STK3: variants seen among roughly 807,000 people sequenced by gnomAD.
STK3 encodes the protein serine/threonine-protein kinase 3.
A neutral mutation model predicts 58.0 loss-of-function variants in STK3; 41 were observed. The ratio of observed to expected loss-of-function variants is 0.71; its 90% CI spans 0.55 to 0.92. STK3 has a LOEUF of 0.92. Among genes scored for constraint, STK3 ranks in the 40% least tolerant of loss-of-function variants. STK3 has a pLI of 0.00. For missense variants in STK3, 479 were observed against 602.7 expected, an observed-to-expected ratio of 0.79 and a Z score of 2.15; for synonymous variants, 170 against 191.0, an observed-to-expected ratio of 0.89 and a Z score of 0.91.
chr8:98,792,290 C>A (rs546285839), intron 1 of STK3, among the ~76,000 whole-genome samples: 1 of 152,072 alleles, frequency 6.6e-6, no homozygotes, highest in Non-Finnish European at 1.5e-5. Context: ...TGGCCATAAT[C>A]AAAAAATAAT....
upstream of STK3, among the ~76,000 whole-genome samples, chr8:98,391,909 T>C (rs1264669993): frequency 6.6e-6 from 1 of 152,204 alleles, no homozygotes; most frequent in African/African-American, 2.4e-5. Flanking sequence ...TTTCTACAGA[T>C]TTATTTTATG....
At chr8:98,469,137 A>G (rs1820714909) in intron 10 of STK3, among the ~76,000 whole-genome samples, 1 of 151,602 alleles carries the variant, frequency 6.6e-6, no homozygotes, top group East Asian at 1.9e-4. Flanking sequence ...AAGAAAGATG[A>G]GAAAGTAATA....
chr8:98,703,262 A>G (rs1325415461), intron 6 of STK3, among the ~76,000 whole-genome samples: 2 of 152,152 alleles, frequency 1.3e-5, no homozygotes, highest in African/African-American at 4.8e-5. Context: ...TCTAGGCAAA[A>G]ACACAGAACA....
At chr8:98,358,009 A>T in the STK3 span, among the ~76,000 whole-genome samples, 1 of 152,158 alleles carries the variant, frequency 6.6e-6, no homozygotes, top group Non-Finnish European at 1.5e-5. Context: ...ACCCCCTTCA[A>T]TAAACTCCAA....
intron 9 of STK3, among the ~76,000 whole-genome samples, chr8:98,540,094 C>T (rs1324036114): frequency 2.0e-5 from 3 of 152,272 alleles, no homozygotes; most frequent in African/African-American, 7.2e-5. Flanking sequence ...CCACCTACAT[C>T]GCCATCCAGC....
chr8:98,818,538 ATGTGTGTGTGTGTGTG>A (rs72513007), intron 1 of STK3, among the ~76,000 whole-genome samples: 1 of 145,330 alleles, frequency 6.9e-6, no homozygotes, highest in African/African-American at 2.5e-5. Context: ...TAAATTATAA[ATGTGTGTGTGTGTGTG>A]TGTGTGTGTG....
At chr8:98,821,468 G>A (rs1337946823) in intron 1 of STK3, among the ~76,000 whole-genome samples, 1 of 151,436 alleles carries the variant, frequency 6.6e-6, no homozygotes, top group Non-Finnish European at 1.5e-5. Flanking sequence ...TGGCCAGCTT[G>A]GGCAACATGG....
At chr8:98,708,883 C>T (rs1262391966) in intron 4 of STK3, among the ~76,000 whole-genome samples, 2 of 151,324 alleles carry the variant, frequency 1.3e-5, no homozygotes, top group South Asian at 2.1e-4. Context: ...TTCAACCATA[C>T]CAGAATTTAT....
At chr8:98,403,214 G>C (rs1230339416) in intron 3 of STK3, among the ~76,000 whole-genome samples, 2 of 152,232 alleles carry the variant, frequency 1.3e-5, no homozygotes, top group African/African-American at 4.8e-5. Flanking sequence ...TAGGCGTTTA[G>C]AAGTTAGGCT....
chr8:98,706,788 C>T (rs1825999045), intron 5 of STK3, among the ~76,000 whole-genome samples, 154 bp from the exon 6 acceptor site: 1 of 152,146 alleles, frequency 6.6e-6, no homozygotes, highest in Admixed American at 6.5e-5. Context: ...TTATGACATA[C>T]TTAGGAATTC....
intron 10 of STK3, among the ~76,000 whole-genome samples, chr8:98,480,301 G>GA (rs1267287621): frequency 1.3e-5 from 2 of 151,436 alleles, no homozygotes; most frequent in South Asian, 2.1e-4. Context: ...GAGACAGAGA[G>GA]AAAAAAACAT....
At chr8:98,495,262 A>G (rs113290169) in intron 10 of STK3, among the ~76,000 whole-genome samples, 11 of 152,182 alleles carry the variant, frequency 7.2e-5, no homozygotes, top group African/African-American at 2.6e-4. Flanking sequence ...GGAGGAATAC[A>G]TTTTACCTTT....
intron 1 of STK3, chr8:98,437,839 T>C (rs1009534075): frequency 3.9e-5 from 6 of 152,162 alleles, no homozygotes; most frequent in Admixed American, 3.9e-4. Context: ...TTTGTGGGAA[T>C]GTGGGAGGAG....
At chr8:98,419,934 G>C (rs1266656408) in intron 3 of STK3, among the ~76,000 whole-genome samples, 1 of 152,082 alleles carries the variant, frequency 6.6e-6, no homozygotes, top group African/African-American at 2.4e-5. Context: ...AGGATTCTGG[G>C]GCCCTGGGAG....
chr8:98,666,730 T>C (rs577928450), intron 6 of STK3, among the ~76,000 whole-genome samples: 18 of 152,196 alleles, frequency 1.2e-4, no homozygotes, highest in Non-Finnish European at 2.6e-4. Flanking sequence ...TCTCTGGACA[T>C]GAAAAACTAA....
At chr8:98,674,989 T>C (rs1823092696) in intron 6 of STK3, among the ~76,000 whole-genome samples, 1 of 138,460 alleles carries the variant, frequency 7.2e-6, no homozygotes, top group Non-Finnish European at 1.6e-5. Flanking sequence ...TAGAATAAAC[T>C]TTCAAACATA....
chr8:98,706,297 T>C (rs1234335747), intron 6 of STK3, among the ~76,000 whole-genome samples, 170 bp downstream of exon 6: 2 of 152,154 alleles, frequency 1.3e-5, no homozygotes, highest in Non-Finnish European at 2.9e-5. Flanking sequence ...CAATTAAGAA[T>C]GCAGAAGGAA....
In STK3 at chr8:98,414,722, C is replaced by T. The variant is rs528723177; in HGVS notation, n.484-13209G>A. On this transcript the variant is annotated intron_variant and non_coding_transcript_variant, in intron 3 of 3. Transcript: ENST00000517832. ...CTTGCAACTAGGATTGGTCATGTGA[C>T]TGTGTTCTGACAAATGACATGCCAG... is the stretch of plus-strand genomic sequence containing the variant. Among the ~76,000 whole-genome samples the T allele has an allele frequency of 3.9e-5, 6 of 152,358 alleles. No homozygotes were observed. In the East Asian group the frequency reaches 1.2e-3, roughly 29 times the overall value.
chr8:98,568,794 G>C (rs1357499950), intron 8 of STK3, among the ~76,000 whole-genome samples: 1 of 152,016 alleles, frequency 6.6e-6, no homozygotes, highest in Non-Finnish European at 1.5e-5. Flanking sequence ...GAGGGAAAAG[G>C]AAACAGAAAA....
Sources: allele counts gnomAD v4.1 joint callset (sites outside exome capture counted in the v4.1 genomes callset), GRCh38; gene constraint gnomAD v4.1.1; transcripts MANE v1.5; gene names NCBI Gene and HGNC (gene_info 2026-07-23, HGNC 2026-07-21).